Variants in SLC44A1 observed in about 807,000 individuals in gnomAD.
The protein encoded by SLC44A1 is choline transporter-like protein 1.
SLC44A1 carries 26 observed loss-of-function variants against 79.3 expected under a neutral mutation model. The ratio of observed to expected loss-of-function variants is 0.33; its 90% CI spans 0.24 to 0.46. SLC44A1 has a LOEUF of 0.46. Ranked by LOEUF, SLC44A1 falls within the 20% of genes least tolerant of loss-of-function variation. The pLI is 1.00. For missense variants in SLC44A1, 688 were observed against 798.1 expected, an observed-to-expected ratio of 0.86 and a Z score of 1.66; for synonymous variants, 263 against 286.2, an observed-to-expected ratio of 0.92 and a Z score of 0.82.
chr9:105,340,796 C>T (rs1352069446), intron 4 of SLC44A1, among the ~76,000 whole-genome samples: 3 of 152,160 alleles, frequency 2.0e-5, no homozygotes, highest in African/African-American at 4.8e-5. Flanking sequence ...GGGGAAGAAG[C>T]TCTCAGTTCC....
intron 5 of SLC44A1, chr9:105,355,984 G>A: frequency 1.9e-6 from 1 of 520,636 alleles, no homozygotes; most frequent in Non-Finnish European, 3.4e-6. Flanking sequence ...AATGTCTTCT[G>A]TTGGAACATG....
chr9:105,365,067 C>T (rs959754418), intron 10 of SLC44A1, among the ~76,000 whole-genome samples: 13 of 152,174 alleles, frequency 8.5e-5, no homozygotes, highest in Non-Finnish European at 1.6e-4. Flanking sequence ...TTGTTTAGAC[C>T]GGAACAAGTG....
intron 1 of SLC44A1, chr9:105,294,864 A>AGTGT (rs1271516410): frequency 9.1e-5 from 7 of 77,208 alleles, no homozygotes; most frequent in African/African-American, 3.7e-4. Context: ...TTAAATTTTG[A>AGTGT]GTCTGTGTGT....
intron 6 of SLC44A1, 58 bp downstream of exon 6, chr9:105,356,439 T>C: frequency 8.2e-7 from 1 of 1,218,112 alleles, no homozygotes; most frequent in Non-Finnish European, 1.2e-6. Context: ...GACTGTTTTG[T>C]CTTTTAGCCA....
intron 3 of SLC44A1, among the ~76,000 whole-genome samples, chr9:105,318,478 C>T (rs1588772847): frequency 6.6e-6 from 1 of 152,130 alleles, no homozygotes; most frequent in African/African-American, 2.4e-5. Flanking sequence ...CTACACCCGG[C>T]CTATACAGTT....
downstream of SLC44A1, among the ~76,000 whole-genome samples, chr9:105,402,343 G>C (rs1021575375): frequency 6.6e-6 from 1 of 152,104 alleles, no homozygotes; most frequent in Non-Finnish European, 1.5e-5. Flanking sequence ...CAACAGGCTT[G>C]GTGACTAATG....
At chr9:105,351,376 A>G (rs530007005) in intron 5 of SLC44A1, among the ~76,000 whole-genome samples, 2 of 152,082 alleles carry the variant, frequency 1.3e-5, no homozygotes, top group East Asian at 3.9e-4. Flanking sequence ...TCTACCAAAA[A>G]CACAAAAATT....
intron 4 of SLC44A1, among the ~76,000 whole-genome samples, chr9:105,342,641 A>T (rs1414856488): frequency 1.3e-5 from 2 of 152,170 alleles, no homozygotes; most frequent in East Asian, 3.9e-4. Context: ...TCTCTGGTCC[A>T]TAGACCACCC....
chr9:105,290,109 C>T (rs754705656), intron 1 of SLC44A1, among the ~76,000 whole-genome samples: 2 of 152,170 alleles, frequency 1.3e-5, no homozygotes, highest in East Asian at 1.9e-4. Flanking sequence ...AGCCACCGCA[C>T]CTGGCCTGTA....
chr9:105,299,302 T>C lies in SLC44A1; in HGVS notation c.119T>C (p.Ile40Thr), dbSNP rs750134127. ...CTGCTGCTCTTCATCCTCTTCTGCA[T>C]TGGGATGGTAAGGAAACTCTCACAG... ...PWLLLFILFC[I>T]GMGFICGFSI... Residue 40 changes from isoleucine (I) to threonine (T), a missense_variant, in exon 2 of 16, where the codon ATT becomes ACT. Transcript: ENST00000374720. The C allele has an allele frequency of 1.5e-5, 24 of 1,579,958 alleles. No individual in the cohort carries two copies. The highest frequency in any genetic ancestry group is 9.7e-5 in the Admixed American group (5 of 51,710).
At chr9:105,357,990 A>C (rs758676657) in intron 6 of SLC44A1, among the ~76,000 whole-genome samples, 1 of 152,216 alleles carries the variant, frequency 6.6e-6, no homozygotes, top group Non-Finnish European at 1.5e-5. Flanking sequence ...CCAACATGAC[A>C]TGTCATTCTC....
intron 15 of SLC44A1, among the ~76,000 whole-genome samples, chr9:105,427,777 A>G (rs1829342176): frequency 6.6e-6 from 1 of 152,206 alleles, no homozygotes. Flanking sequence ...GAAAGGCTCT[A>G]CCAATCCTTT....
chr9:105,362,710 A>G lies in SLC44A1; in HGVS notation c.901-111A>G, dbSNP rs1827817310. 6 of 663,148 alleles carry G rather than the reference A, an allele frequency of 9.0e-6. 1 individual carries two copies. In the South Asian group the frequency reaches 1.3e-4, roughly 14 times the overall value. 41.1% of individuals were successfully genotyped at this position (663,148 alleles called of 1,614,324 possible). ...CTGATAAAGTATTATTGAAATTCAA[A>G]GAATGCTACCTCCAGGTTTGGGGCT... On this transcript the variant is annotated intron_variant, in intron 8 of 15. Transcript: ENST00000374720.
intron 12 of SLC44A1, among the ~76,000 whole-genome samples, chr9:105,370,809 T>TTGTTC (rs2131431662): frequency 6.6e-6 from 1 of 152,296 alleles, no homozygotes; most frequent in Non-Finnish European, 1.5e-5. Context: ...TAAGAGTGAG[T>TTGTTC]TGTTCCCATT....
chr9:105,323,614 C>T (rs894591766), intron 3 of SLC44A1, among the ~76,000 whole-genome samples: 13 of 152,200 alleles, frequency 8.5e-5, no homozygotes, highest in African/African-American at 3.1e-4. Context: ...CTAAAACAAG[C>T]TTCAAAGTTA....
chr9:105,293,371 T>A (rs1830647673), intron 1 of SLC44A1, among the ~76,000 whole-genome samples: 2 of 152,162 alleles, frequency 1.3e-5, no homozygotes, highest in Admixed American at 1.3e-4. Flanking sequence ...AAGCACAGAG[T>A]ATGAAAAGGG....
chr9:105,385,362 C>T, intron 14 of SLC44A1, 60 bp from the exon 15 acceptor site: 2 of 1,170,398 alleles, frequency 1.7e-6, no homozygotes, highest in Non-Finnish European at 2.5e-6. Flanking sequence ...CTTTAGAATT[C>T]ATCTACTAAC....
chr9:105,384,246 C>T (rs1467645463), intron 14 of SLC44A1, among the ~76,000 whole-genome samples: 1 of 151,738 alleles, frequency 6.6e-6, no homozygotes, highest in Non-Finnish European at 1.5e-5. Context: ...AGTGCAGTGG[C>T]ATGGTCTTGG....
chr9:105,389,863 C>A lies in SLC44A1; in HGVS notation c.*807C>A. The A allele has an allele frequency of 1.4e-6, 2 of 1,479,016 alleles. No individual in the cohort carries two copies. Among genetic ancestry groups the A allele is most frequent in the South Asian group, 1.4e-5 (1 of 71,934 alleles). 91.6% of individuals were successfully genotyped at this position (1,479,016 alleles called of 1,614,324 possible). A position where few individuals can be genotyped will look rare whatever the true frequency, so the allele number is the denominator to read the frequency against. On this transcript the variant is annotated 3_prime_UTR_variant, in exon 16 of 16. Coordinates refer to ENST00000374720, the MANE Select transcript of SLC44A1 (RefSeq NM_080546.5). ...TGATTTGAAAGGAAGCTGGGGCACCCAGCGAGTTTAGCCTTTAAGTTTCTG... is the reference window on the plus strand; with the variant it reads ...TGATTTGAAAGGAAGCTGGGGCACCAAGCGAGTTTAGCCTTTAAGTTTCTG...
Sources: allele counts gnomAD v4.1 joint callset (sites outside exome capture counted in the v4.1 genomes callset), GRCh38; gene constraint gnomAD v4.1.1; transcripts MANE v1.5; gene names NCBI Gene and HGNC (gene_info 2026-07-23, HGNC 2026-07-21).